NLK: variants seen among roughly 807,000 people sequenced by gnomAD.
The protein encoded by NLK is nemo like kinase.
Under a neutral mutation model 59.0 loss-of-function variants are expected in NLK, and 11 were observed. That is an observed-to-expected ratio of 0.19 (90% confidence interval 0.12 to 0.31). The LOEUF (loss-of-function observed/expected upper bound fraction) is 0.31. Ranked by LOEUF, NLK falls within the 10% of genes least tolerant of loss-of-function variation. The pLI, the probability that NLK is intolerant of heterozygous loss-of-function variation, is 1.00. For synonymous variants in NLK, 235 were observed against 235.9 expected (o/e 1.00, Z 0.03); for missense variants, 410 against 661.1 (o/e 0.62, Z 4.16).
In NLK at chr17:28,070,263, T is replaced by A. The variant is rs114881968; in HGVS notation, c.458+26932T>A. ...AAAAAAAGAAGAAATCTTTGTCTAG[T>A]GCCAAGGTCATGAAACTATTCTCTT... On this transcript the variant is annotated intron_variant, in intron 1 of 10. Coordinates refer to ENST00000407008, the MANE Select transcript of NLK (RefSeq NM_016231.5). Among the ~76,000 whole-genome samples, 502 of 151,896 alleles carry A rather than the reference T, an allele frequency of 3.3e-3. 3 individuals carry two copies. Among genetic ancestry groups the A allele is most frequent in the African/African-American group, 0.011 (474 of 41,450 alleles).
At chr17:28,103,955 A>C (rs1904988200) in intron 1 of NLK, among the ~76,000 whole-genome samples, 1 of 152,218 alleles carries the variant, frequency 6.6e-6, no homozygotes, top group Non-Finnish European at 1.5e-5. Context: ...TTTCAACTTG[A>C]AAGAAATTTC....
At chr17:28,198,862 C>G (rs572804831), downstream of NLK, among the ~76,000 whole-genome samples, 2 of 152,282 alleles carry the variant, frequency 1.3e-5, no homozygotes, top group South Asian at 4.1e-4. Context: ...TCCATCAATC[C>G]TGAGAGAAAA....
chr17:28,195,448 A>G lies in NLK; in HGVS notation c.*812A>G, dbSNP rs1014682910. The G allele has an allele frequency of 6.6e-6, 1 of 152,574 alleles. No homozygotes were observed. Among genetic ancestry groups the G allele is most frequent in the East Asian group, 1.9e-4 (1 of 5,190 alleles). 9.5% of individuals were successfully genotyped at this position (152,574 alleles called of 1,614,324 possible). ...CTGGGCTAATTTCAAAAGAATCCCAATATTGCTGTATAGAAAGAGAACTAG... is the reference window on the plus strand; with the variant it reads ...CTGGGCTAATTTCAAAAGAATCCCAGTATTGCTGTATAGAAAGAGAACTAG... On this transcript the variant is annotated 3_prime_UTR_variant, in exon 11 of 11. Transcript: ENST00000407008.
chr17:28,175,494 T>C (rs142476815), intron 7 of NLK, among the ~76,000 whole-genome samples: 2 of 152,156 alleles, frequency 1.3e-5, no homozygotes, highest in South Asian at 2.1e-4. Context: ...AGTTTCACCA[T>C]GTTGCACGTG....
chr17:28,113,957 T>C (rs997902599), intron 1 of NLK, among the ~76,000 whole-genome samples: 3 of 152,234 alleles, frequency 2.0e-5, no homozygotes, highest in Non-Finnish European at 4.4e-5. Context: ...TTGCCTTTTT[T>C]TTTAATATTA....
chr17:28,165,361 C>T (rs919366193), intron 5 of NLK, among the ~76,000 whole-genome samples: 4 of 152,026 alleles, frequency 2.6e-5, no homozygotes, highest in African/African-American at 9.7e-5. Context: ...CCAAATTGTC[C>T]GTTATGGTTT....
At chr17:28,139,101 C>CA (rs1325878342) in intron 3 of NLK, among the ~76,000 whole-genome samples, 1 of 152,136 alleles carries the variant, frequency 6.6e-6, no homozygotes, top group African/African-American at 2.4e-5. Context: ...ACTAAAAATA[C>CA]AAAAATTAGC....
chr17:28,157,392 T>C (rs962774347), intron 3 of NLK, among the ~76,000 whole-genome samples: 1 of 152,060 alleles, frequency 6.6e-6, no homozygotes, highest in African/African-American at 2.4e-5. Context: ...GGTTTCACCA[T>C]GTTGGCCAGG....
At chr17:28,128,400 G>A (rs910077647) in intron 2 of NLK, among the ~76,000 whole-genome samples, 10 of 152,106 alleles carry the variant, frequency 6.6e-5, no homozygotes, top group Non-Finnish European at 8.8e-5. Context: ...AAAATATTCA[G>A]TGTTTGAGGA....
At chr17:28,108,503 CATA>C (rs765637272) in intron 1 of NLK, among the ~76,000 whole-genome samples, 96 of 151,890 alleles carry the variant, frequency 6.3e-4, no homozygotes, top group Non-Finnish European at 1.3e-3. Context: ...AATTAAACAG[CATA>C]ATAATTGAAT....
intron 6 of NLK, among the ~76,000 whole-genome samples, chr17:28,169,753 G>A (rs1172176267): frequency 1.6e-5 from 2 of 122,560 alleles, no homozygotes; most frequent in East Asian, 4.4e-4. Flanking sequence ...CCCTAAAACT[G>A]TTCTGAGGAT....
chr17:28,055,847 GA>G (rs2142740346), intron 1 of NLK, among the ~76,000 whole-genome samples: 1 of 152,276 alleles, frequency 6.6e-6, no homozygotes, highest in Non-Finnish European at 1.5e-5. Context: ...CTTCACTAGA[GA>G]TTTTTTTCTG....
intron 3 of NLK, among the ~76,000 whole-genome samples, chr17:28,137,314 T>A (rs771012932): frequency 6.6e-6 from 1 of 152,216 alleles, no homozygotes; most frequent in Non-Finnish European, 1.5e-5. Flanking sequence ...TCGTTATACA[T>A]CTAATGGGTT....
chr17:28,115,799 CTT>C (rs932740343), intron 1 of NLK, among the ~76,000 whole-genome samples: 1 of 151,726 alleles, frequency 6.6e-6, no homozygotes, highest in African/African-American at 2.4e-5. Flanking sequence ...GTATAGAAGT[CTT>C]GAGTAGCATC....
chr17:28,086,623 A>C (rs1326637631), intron 1 of NLK, among the ~76,000 whole-genome samples: 2 of 152,068 alleles, frequency 1.3e-5, no homozygotes, highest in Non-Finnish European at 2.9e-5. Context: ...TTATTTTTTA[A>C]AATATTTTTA....
chr17:28,102,058 T>C (rs2142791458), intron 1 of NLK, among the ~76,000 whole-genome samples: 1 of 152,318 alleles, frequency 6.6e-6, no homozygotes, highest in African/African-American at 2.4e-5. Context: ...TTGGGTATTG[T>C]TTCTTTGTCC....
In NLK at chr17:28,140,674, A is replaced by T. The variant is rs185486368; in HGVS notation, c.644+7999A>T. 2.7e-4 allele frequency among the ~76,000 whole-genome samples: 41 copies of T among 152,182 alleles called. No individual in the cohort carries two copies. The East Asian group carries it at 6.6e-3, about 24-fold the overall frequency. On this transcript the variant is annotated intron_variant, in intron 3 of 10. Transcript: ENST00000407008. ...AGGAGTTCATGGTTTAATAGAGATG[A>T]TAGACAGTTTTCAAATAATTATAGT...
chr17:28,166,021 C>T (rs1341491633), intron 5 of NLK, among the ~76,000 whole-genome samples: 1 of 152,150 alleles, frequency 6.6e-6, no homozygotes, highest in Non-Finnish European at 1.5e-5. Context: ...TTGAGACCAG[C>T]CTGGCCAACA....
chr17:28,056,359 GAAGCT>G (rs982490006), intron 1 of NLK, among the ~76,000 whole-genome samples: 6 of 152,204 alleles, frequency 3.9e-5, no homozygotes, highest in African/African-American at 1.4e-4. Flanking sequence ...GAGACCCAGA[GAAGCT>G]AAGAGATTTG....
Sources: gnomAD v4.1 joint callset for allele counts (sites outside exome capture counted in the v4.1 genomes callset) on GRCh38, gnomAD v4.1.1 for gene constraint, MANE v1.5 for transcripts, NCBI Gene and HGNC (gene_info 2026-07-23, HGNC 2026-07-21) for gene names.